Variants in SPON1 observed in about 807,000 individuals in gnomAD.
SPON1 encodes spondin 1.
Under a neutral mutation model 111.7 loss-of-function variants are expected in SPON1, and 52 were observed. The ratio of observed to expected loss-of-function variants is 0.47; its 90% CI spans 0.37 to 0.59. The LOEUF is 0.59. Among genes scored for constraint, SPON1 ranks in the 20% least tolerant of loss-of-function variants. The probability of loss-of-function intolerance (pLI) is 0.00; values close to 1 mark genes in which losing one functional copy is unlikely to be tolerated. For missense variants in SPON1, 957 were observed against 1,068.5 expected, an observed-to-expected ratio of 0.90 and a Z score of 1.46; for synonymous variants, 410 against 395.8, an observed-to-expected ratio of 1.04 and a Z score of -0.43.
chr11:14,232,556 C>A (rs1447696436), intron 6 of SPON1, among the ~76,000 whole-genome samples: 3 of 152,172 alleles, frequency 2.0e-5, no homozygotes, highest in Non-Finnish European at 4.4e-5. Flanking sequence ...CCCACTCTGG[C>A]AACTCTGGAA....
chr11:14,128,595 G>A (rs1467953419), intron 5 of SPON1, among the ~76,000 whole-genome samples: 1 of 152,160 alleles, frequency 6.6e-6, no homozygotes, highest in African/African-American at 2.4e-5. Context: ...AGCTGTCAGT[G>A]AATCTACCAT....
intron 9 of SPON1, among the ~76,000 whole-genome samples, 191 bp downstream of exon 9, chr11:14,255,978 A>G (rs1354632576): frequency 6.6e-6 from 1 of 152,210 alleles, no homozygotes; most frequent in Non-Finnish European, 1.5e-5. Context: ...CAGGCACTGT[A>G]GCCCATGCCT....
chr11:14,263,091 ATCTTCTGGAG>A, intron 15 of SPON1, 116 bp downstream of exon 15: 2 of 1,141,700 alleles, frequency 1.8e-6, no homozygotes, highest in Non-Finnish European at 2.4e-6. Flanking sequence ...GAGAGTCTGC[ATCTTCTGGAG>A]TCTTCAGGCC....
chr11:14,239,451 C>A (rs1156644664), intron 6 of SPON1, among the ~76,000 whole-genome samples: 1 of 152,118 alleles, frequency 6.6e-6, no homozygotes, highest in Admixed American at 6.5e-5. Flanking sequence ...TTTGGCAGGG[C>A]ACGGTGGCTC....
At chr11:14,028,307 A>G (rs982291017) in intron 2 of SPON1, among the ~76,000 whole-genome samples, 6 of 151,966 alleles carry the variant, frequency 3.9e-5, no homozygotes, top group African/African-American at 1.5e-4. Flanking sequence ...CATAGACCTC[A>G]TCTCTACAAA....
intron 6 of SPON1, among the ~76,000 whole-genome samples, chr11:14,213,459 T>A (rs1848596062): frequency 6.6e-6 from 1 of 152,168 alleles, no homozygotes; most frequent in Non-Finnish European, 1.5e-5. Flanking sequence ...GCGATGGATT[T>A]GTGTTTATTG....
chr11:14,208,212 A>C (rs1848535764), intron 6 of SPON1, among the ~76,000 whole-genome samples: 1 of 152,138 alleles, frequency 6.6e-6, no homozygotes, highest in Non-Finnish European at 1.5e-5. Context: ...GGAAGGTGAA[A>C]GGTGGGAGGA....
At chr11:14,089,761 C>T (rs1242134470) in intron 5 of SPON1, among the ~76,000 whole-genome samples, 2 of 152,216 alleles carry the variant, frequency 1.3e-5, no homozygotes, top group Non-Finnish European at 2.9e-5. Flanking sequence ...GCCACCCCTT[C>T]CCTGAGGTGA....
At chr11:14,034,832 AAAT>A (rs1375774759) in intron 2 of SPON1, among the ~76,000 whole-genome samples, 2 of 152,200 alleles carry the variant, frequency 1.3e-5, no homozygotes, top group Non-Finnish European at 1.5e-5. Flanking sequence ...GGCAGATAAT[AAAT>A]GTTAACTCGA....
At chr11:14,000,409 A>G (rs1368762245) in intron 2 of SPON1, among the ~76,000 whole-genome samples, 2 of 152,160 alleles carry the variant, frequency 1.3e-5, no homozygotes, top group East Asian at 3.9e-4. Flanking sequence ...GACATGTTAT[A>G]TGCTTGATTG....
At position 14,262,715 on chromosome 11, in the gene SPON1, T is replaced by C; in HGVS notation, c.2000T>C (p.Ile667Thr). 6.2e-7 allele frequency: 1 copy of C among 1,613,806 alleles called. No homozygotes were observed. The change falls in exon 15 of 16, where the codon ATT becomes ACT. Residue 667 changes from isoleucine (I) to threonine (T), a missense_variant. By Grantham distance (89) the Ile-to-Thr change is moderately conservative (BLOSUM62 -1). This residue lies in a region of SPON1 where 549 missense variants were observed against 606.2 expected (regional missense o/e 0.91). Coordinates refer to ENST00000576479, the MANE Select transcript of SPON1 (RefSeq NM_006108.4). ...ATGCCCATCTGTGTCTTGCCAGCCA[T>C]TGACTGTGAGCTCACCGAGTGGTCC... ...VEKCMLPECP[I>T]DCELTEWSQW... is the part of the protein sequence containing the mutation.
chr11:14,262,461 A>T (rs1849196669), intron 14 of SPON1: 1 of 555,260 alleles, frequency 1.8e-6, no homozygotes, highest in African/African-American at 1.9e-5. Flanking sequence ...AAGTCCTCCA[A>T]AGCCTTCTTG....
intron 6 of SPON1, among the ~76,000 whole-genome samples, chr11:14,193,949 T>C (rs1467976168): frequency 6.6e-6 from 1 of 152,146 alleles, no homozygotes; most frequent in East Asian, 1.9e-4. Flanking sequence ...TGTGATACTC[T>C]CAGAAGTGCC....
chr11:14,211,608 T>C (rs1294188226), intron 6 of SPON1, among the ~76,000 whole-genome samples: 16 of 152,216 alleles, frequency 1.1e-4, no homozygotes, highest in Admixed American at 1.0e-3. Context: ...ACTGACTTTC[T>C]TCACAGAATT....
At chr11:14,002,200 G>A (rs1848324398) in intron 2 of SPON1, among the ~76,000 whole-genome samples, 1 of 152,186 alleles carries the variant, frequency 6.6e-6, no homozygotes, top group Non-Finnish European at 1.5e-5. Context: ...TAGAATTACT[G>A]AGAAAATTAA....
At chr11:14,090,320 C>A (rs1010958240) in intron 5 of SPON1, among the ~76,000 whole-genome samples, 1 of 151,844 alleles carries the variant, frequency 6.6e-6, no homozygotes, top group Non-Finnish European at 1.5e-5. Context: ...TCTTGGTCTG[C>A]GGATTGCAAA....
intron 6 of SPON1, among the ~76,000 whole-genome samples, chr11:14,138,765 T>C (rs1847620170): frequency 6.6e-6 from 1 of 152,198 alleles, no homozygotes; most frequent in African/African-American, 2.4e-5. Flanking sequence ...TCTGGCATGT[T>C]TACTAAGTGT....
Position 14,265,732 on chromosome 11 carries a change from A to T in SPON1, c.*45A>T. 6.3e-7 allele frequency: 1 copy of T among 1,580,226 alleles called. No homozygotes were observed. ...GGGCTGCACTCTAGATTCCAGAGTCACCAATGGCTGGATTATTTGCTTGTT... is the reference window on the plus strand; with the variant it reads ...GGGCTGCACTCTAGATTCCAGAGTCTCCAATGGCTGGATTATTTGCTTGTT... On this transcript the variant is annotated 3_prime_UTR_variant, in exon 16 of 16. Transcript: ENST00000576479.
At chr11:13,985,917 G>T (rs1345164956) in intron 2 of SPON1, among the ~76,000 whole-genome samples, 1 of 152,122 alleles carries the variant, frequency 6.6e-6, no homozygotes, top group East Asian at 1.9e-4. Context: ...TTGGGGGAAG[G>T]AATCATAGCC....
Sources: gnomAD v4.1 joint callset for allele counts (sites outside exome capture counted in the v4.1 genomes callset) on GRCh38, gnomAD v4.1.1 for gene constraint, gnomAD v4.1.1 regional missense constraint, MANE v1.5 for transcripts, NCBI Gene and HGNC (gene_info 2026-07-23, HGNC 2026-07-21) for gene names.